The following KCTD1 variants were observed in gnomAD, a reference collection of about 807,000 sequenced individuals.
The protein encoded by KCTD1 is BTB/POZ domain-containing protein KCTD1.
Under a neutral mutation model 66.0 loss-of-function variants are expected in KCTD1, and 24 were observed. That is an observed-to-expected ratio of 0.36 (90% CI 0.26 to 0.51). The LOEUF is 0.51. KCTD1 is among the 20% of genes least tolerant of loss of function. KCTD1 has a pLI of 0.95. For synonymous variants in KCTD1, 511 were observed against 517.2 expected (o/e 0.99, Z 0.16); for missense variants, 943 against 1,205.2 (o/e 0.78, Z 3.22).
At chr18:26,513,303 G>A (rs1469802771) in intron 1 of KCTD1, among the ~76,000 whole-genome samples, 1 of 151,900 alleles carries the variant, frequency 6.6e-6, no homozygotes, top group African/African-American at 2.4e-5. Flanking sequence ...TAGCCAGGAT[G>A]GTCTCCATCT....
At chr18:26,558,799 T>C (rs1985772588) in intron 1 of KCTD1, among the ~76,000 whole-genome samples, 2 of 152,084 alleles carry the variant, frequency 1.3e-5, no homozygotes, top group African/African-American at 4.8e-5. Flanking sequence ...GGCACGCACC[T>C]GTAGTCCCAG....
chr18:26,604,021 G>T (rs2144976215), intron 1 of KCTD1, among the ~76,000 whole-genome samples: 1 of 152,222 alleles, frequency 6.6e-6, no homozygotes, highest in Non-Finnish European at 1.5e-5. Context: ...TCTGACAAAG[G>T]TCTAATATCT....
At chr18:26,616,949 T>C (rs954182634) in intron 1 of KCTD1, among the ~76,000 whole-genome samples, 1 of 152,232 alleles carries the variant, frequency 6.6e-6, no homozygotes, top group Non-Finnish European at 1.5e-5. Context: ...TAGTTTTACA[T>C]ATAAATTCAA....
intron 1 of KCTD1, among the ~76,000 whole-genome samples, chr18:26,564,761 C>T (rs1273579643): frequency 2.6e-5 from 4 of 151,978 alleles, no homozygotes; most frequent in African/African-American, 4.8e-5. Flanking sequence ...TGGTGATGCA[C>T]GCCTGTAATT....
In KCTD1 at chr18:26,547,537, A is replaced by G; in HGVS notation, c.1000T>C (p.Phe334Leu). ...CCGTCCTCGTCCATGGCCAGCCCAA[A>G]AGAGTCCTCCTCCAACTCACGCTGG... is the stretch of plus-strand genomic sequence containing the variant. ...ENQRELEEDS[F>L]GLAMDEDGRK... Residue 334 changes from phenylalanine (F) to leucine (L), a missense_variant, in exon 1 of 5, where the codon TTT (phenylalanine) becomes CTT (leucine). Phe to Leu is a conservative substitution (Grantham distance 22). Coordinates refer to ENST00000580059, the MANE Select transcript of KCTD1 (RefSeq NM_001142730.3). 6.4e-7 allele frequency: 1 copy of G among 1,551,632 alleles called. No homozygotes were observed.
At chr18:26,531,264 G>A (rs1984422666) in intron 1 of KCTD1, among the ~76,000 whole-genome samples, 1 of 152,160 alleles carries the variant, frequency 6.6e-6, no homozygotes, top group African/African-American at 2.4e-5. Context: ...GGCTGAAGCA[G>A]GAGGATCCCT....
At chr18:26,492,891 T>C (rs2144656267) in intron 2 of KCTD1, among the ~76,000 whole-genome samples, 1 of 152,302 alleles carries the variant, frequency 6.6e-6, no homozygotes, top group East Asian at 1.9e-4. Context: ...TATAAGGTTA[T>C]ATGAAATAAA....
upstream of KCTD1, among the ~76,000 whole-genome samples, chr18:26,643,903 A>G (rs1351246729): frequency 6.6e-6 from 1 of 152,068 alleles, no homozygotes; most frequent in Non-Finnish European, 1.5e-5. Flanking sequence ...CGGAGCTTGC[A>G]GTGAGCTGAG....
At chr18:26,456,240 C>G (rs1009837075) in intron 4 of KCTD1, 2 of 202,006 alleles carry the variant, frequency 9.9e-6, no homozygotes, top group Non-Finnish European at 2.0e-5. Context: ...CTCAAATCTC[C>G]TGTTTTTGTA....
intron 1 of KCTD1, among the ~76,000 whole-genome samples, chr18:26,502,420 T>G (rs569270574): frequency 2.6e-5 from 4 of 152,222 alleles, no homozygotes; most frequent in African/African-American, 9.7e-5. Flanking sequence ...CTTGACCTCC[T>G]GGGCTCAGGC....
chr18:26,487,344 C>A (rs548856644), intron 2 of KCTD1, among the ~76,000 whole-genome samples: 3 of 152,104 alleles, frequency 2.0e-5, no homozygotes, highest in Non-Finnish European at 4.4e-5. Context: ...GAAAATTGGA[C>A]AAGAATCCTA....
At chr18:26,467,067 G>T (rs139816282) in intron 3 of KCTD1, among the ~76,000 whole-genome samples, 4 of 151,868 alleles carry the variant, frequency 2.6e-5, no homozygotes, top group East Asian at 1.9e-4. Context: ...CACAGGAAAA[G>T]ATCCAGAAGG....
upstream of KCTD1, among the ~76,000 whole-genome samples, chr18:26,645,259 C>G (rs1371869228): frequency 1.3e-5 from 2 of 152,038 alleles, no homozygotes; most frequent in Admixed American, 6.6e-5. Flanking sequence ...GAGATAGGGT[C>G]TCACTATTGC....
chr18:26,479,668 A>G (rs2144611026), intron 2 of KCTD1, among the ~76,000 whole-genome samples: 1 of 152,336 alleles, frequency 6.6e-6, no homozygotes, highest in South Asian at 2.1e-4. Flanking sequence ...CGCTGGGAGT[A>G]ATAAAAAGAA....
chr18:26,522,064 G>A (rs1489063182), intron 1 of KCTD1, among the ~76,000 whole-genome samples: 1 of 152,166 alleles, frequency 6.6e-6, no homozygotes, highest in African/African-American at 2.4e-5. Flanking sequence ...CCTCTTGCAC[G>A]TTCTTCCAGG....
intron 1 of KCTD1, among the ~76,000 whole-genome samples, chr18:26,627,647 A>G (rs1001245410): frequency 2.0e-5 from 3 of 152,174 alleles, no homozygotes; most frequent in African/African-American, 4.8e-5. Context: ...CCCTTAAATT[A>G]GTTGTTTGCA....
intron 2 of KCTD1, among the ~76,000 whole-genome samples, chr18:26,488,829 GC>G (rs1287301105): frequency 6.6e-6 from 1 of 152,228 alleles, no homozygotes; most frequent in African/African-American, 2.4e-5. Flanking sequence ...GCAGCAGGAA[GC>G]CATTATCCAA....
At chr18:26,513,488 A>G (rs959181523) in intron 1 of KCTD1, among the ~76,000 whole-genome samples, 1 of 152,206 alleles carries the variant, frequency 6.6e-6, no homozygotes, top group Non-Finnish European at 1.5e-5. Context: ...TTTAAAGAGC[A>G]AACTATTTGT....
intron 1 of KCTD1, among the ~76,000 whole-genome samples, chr18:26,523,047 TA>T (rs1438723727): frequency 1.3e-5 from 2 of 152,206 alleles, no homozygotes; most frequent in South Asian, 2.1e-4. Flanking sequence ...AATAGAGATA[TA>T]TTTTTTTAAA....
Sources: allele counts gnomAD v4.1 joint callset (sites outside exome capture counted in the v4.1 genomes callset), GRCh38; gene constraint gnomAD v4.1.1; transcripts MANE v1.5; gene names NCBI Gene and HGNC (gene_info 2026-07-23, HGNC 2026-07-21).